Variants in ANO2 observed in about 807,000 individuals in gnomAD.
The protein encoded by ANO2 is anoctamin 2, also known as anoctamin-2.
In ANO2, 101 loss-of-function variants were observed where a neutral mutation model predicts 124.2. The ratio of observed to expected loss-of-function variants is 0.81; its 90% CI spans 0.69 to 0.96. The LOEUF (loss-of-function observed/expected upper bound fraction) is 0.96, where lower values mean the gene tolerates loss of function less well. Among genes scored for constraint, ANO2 ranks in the 40% least tolerant of loss-of-function variants. The pLI, the probability that ANO2 is intolerant of heterozygous loss-of-function variation, is 0.00. For missense variants in ANO2, 1,293 were observed against 1,274.5 expected, an observed-to-expected ratio of 1.01 and a Z score of -0.22; for synonymous variants, 486 against 482.5, an observed-to-expected ratio of 1.01 and a Z score of -0.09.
intron 1 of ANO2, among the ~76,000 whole-genome samples, chr12:5,923,318 C>T (rs978380812): frequency 5.3e-5 from 8 of 151,502 alleles, no homozygotes; most frequent in East Asian, 2.0e-4. Context: ...GGAGCTCCTT[C>T]GGATCATGGC....
upstream of ANO2, among the ~76,000 whole-genome samples, chr12:5,945,533 C>T (rs1219580096): frequency 6.6e-6 from 1 of 152,248 alleles, no homozygotes; most frequent in African/African-American, 2.4e-5. Context: ...CCCTGCTCCC[C>T]CAGAGCCGGG....
chr12:5,566,437 T>C (rs979477681), intron 23 of ANO2, among the ~76,000 whole-genome samples: 2 of 152,314 alleles, frequency 1.3e-5, no homozygotes, highest in Admixed American at 1.3e-4. Flanking sequence ...ATGTGAATAC[T>C]AGCTCATTTT....
In ANO2 at chr12:5,796,488, AACAC is replaced by A. The variant is rs537465792; in HGVS notation, c.1055+3015_1055+3018del. ...TGCACATACACACACACAAACTCAC[AACAC>A]ACAGAGACACACTCTCACACGAACA... On this transcript the variant is annotated intron_variant, in intron 10 of 24. Transcript: ENST00000682330. 4.9e-3 allele frequency among the ~76,000 whole-genome samples: 728 copies of A among 147,312 alleles called. 8 individuals are homozygous for A. The highest frequency in any genetic ancestry group is 0.018 in the African/African-American group (691 of 38,090).
chr12:5,667,418 A>T (rs550032638), intron 14 of ANO2, among the ~76,000 whole-genome samples: 1 of 152,104 alleles, frequency 6.6e-6, no homozygotes, highest in Admixed American at 6.5e-5. Flanking sequence ...TGACCTAATG[A>T]AGACTCCTAG....
At chr12:5,883,855 T>G (rs1054504921) in intron 3 of ANO2, among the ~76,000 whole-genome samples, 3 of 152,236 alleles carry the variant, frequency 2.0e-5, no homozygotes, top group Non-Finnish European at 2.9e-5. Flanking sequence ...TAGAATTAAT[T>G]GTTATAATTG....
intron 20 of ANO2, among the ~76,000 whole-genome samples, chr12:5,593,818 G>A (rs2136872364): frequency 6.6e-6 from 1 of 152,312 alleles, no homozygotes; most frequent in South Asian, 2.1e-4. Context: ...GAGTCATGTA[G>A]CTAGCATGCA....
At chr12:5,587,893 C>T (rs1354877475) in intron 20 of ANO2, among the ~76,000 whole-genome samples, 1 of 152,142 alleles carries the variant, frequency 6.6e-6, no homozygotes, top group African/African-American at 2.4e-5. Flanking sequence ...TGGGCCCCAG[C>T]CCAGGTTCCA....
chr12:5,854,210 A>C, intron 3 of ANO2, 69 bp from the exon 4 acceptor site: 1 of 1,397,154 alleles, frequency 7.2e-7, no homozygotes, highest in Non-Finnish European at 1.0e-6. Context: ...TGGTTCTTCA[A>C]CTGTTCCACA....
At chr12:5,696,192 G>T (rs1338606055) in intron 14 of ANO2, among the ~76,000 whole-genome samples, 1 of 151,932 alleles carries the variant, frequency 6.6e-6, no homozygotes, top group African/African-American at 2.4e-5. Context: ...TAGGAAGAAT[G>T]AACAAAACCA....
At chr12:5,852,597 T>C (rs528758903) in intron 4 of ANO2, among the ~76,000 whole-genome samples, 34 of 152,240 alleles carry the variant, frequency 2.2e-4, no homozygotes, top group Non-Finnish European at 3.7e-4. Flanking sequence ...TTGATGGAGA[T>C]AGCAGATCTG....
intron 17 of ANO2, among the ~76,000 whole-genome samples, chr12:5,613,872 C>T (rs1227763957): frequency 2.6e-5 from 4 of 152,202 alleles, no homozygotes; most frequent in Non-Finnish European, 4.4e-5. Flanking sequence ...TAATTTGCTA[C>T]TGCCACGAAA....
chr12:5,621,140 G>C, intron 16 of ANO2, among the ~76,000 whole-genome samples: 1 of 152,028 alleles, frequency 6.6e-6, no homozygotes, highest in South Asian at 2.1e-4. Context: ...CTGAACCCTC[G>C]CGCTCGCCAC....
chr12:5,875,746 T>C (rs1938051626), intron 3 of ANO2, among the ~76,000 whole-genome samples: 1 of 152,022 alleles, frequency 6.6e-6, no homozygotes, highest in Admixed American at 6.6e-5. Context: ...AGAGAGGCTA[T>C]GAATTGTTCA....
chr12:5,915,743 C>T (rs975371069), intron 3 of ANO2, among the ~76,000 whole-genome samples: 1 of 152,218 alleles, frequency 6.6e-6, no homozygotes, highest in African/African-American at 2.4e-5. Flanking sequence ...AGCATCTTAA[C>T]ATGGTGAAAA....
rs781537492 is a variant in ANO2 at position 5,750,868 on chromosome 12, A to G, written c.1158T>C (p.Tyr386=). 1 of 1,613,126 alleles carries G rather than the reference A, an allele frequency of 6.2e-7. No homozygotes were observed. Among genetic ancestry groups the G allele is most frequent in the Non-Finnish European group, 8.5e-7 (1 of 1,179,512 alleles). Residue 386 remains tyrosine (Y), a synonymous_variant, in exon 11 of 25, where the codon TAT becomes TAC. Transcript: ENST00000682330. ...TATCTTCTTCAATTGTTGCACATCC[A>G]TAAAGAAACACAATCACTCCAATTA... ...SSVIGVIVFL[Y]GCATIEEDIP...
At chr12:5,634,584 C>G (rs994928188) in intron 16 of ANO2, among the ~76,000 whole-genome samples, 1 of 152,164 alleles carries the variant, frequency 6.6e-6, no homozygotes, top group Non-Finnish European at 1.5e-5. Context: ...AATGACACAC[C>G]TGAATATTGA....
chr12:5,630,245 G>T (rs1329383092), intron 16 of ANO2, among the ~76,000 whole-genome samples: 1 of 152,196 alleles, frequency 6.6e-6, no homozygotes, highest in East Asian at 1.9e-4. Flanking sequence ...AGCCAAGCGG[G>T]TGTTAAACCC....
chr12:5,872,444 C>T (rs1937767002), intron 3 of ANO2, among the ~76,000 whole-genome samples: 1 of 152,138 alleles, frequency 6.6e-6, no homozygotes, highest in South Asian at 2.1e-4. Flanking sequence ...TCTGACCCCA[C>T]CCAGCTCTAC....
intron 3 of ANO2, among the ~76,000 whole-genome samples, chr12:5,856,009 A>G (rs967724506): frequency 6.6e-6 from 1 of 152,164 alleles, no homozygotes; most frequent in African/African-American, 2.4e-5. Flanking sequence ...AATCTCCCCA[A>G]TTTTATCTTT....
Sources: gnomAD v4.1 joint callset for allele counts (sites outside exome capture counted in the v4.1 genomes callset) on GRCh38, gnomAD v4.1.1 for gene constraint, MANE v1.5 for transcripts, NCBI Gene and HGNC (gene_info 2026-07-23, HGNC 2026-07-21) for gene names.